SHISA9: variants seen among roughly 807,000 people sequenced by gnomAD.
SHISA9 encodes the protein protein shisa-9.
A neutral mutation model predicts 38.0 loss-of-function variants in SHISA9; 13 were observed. The observed-to-expected ratio is 0.34, with a 90% CI of 0.22 to 0.54. The LOEUF is 0.54. Among genes scored for constraint, SHISA9 ranks in the 20% least tolerant of loss-of-function variants. The pLI is 0.91. For missense variants in SHISA9, 538 were observed against 575.8 expected, an observed-to-expected ratio of 0.93 and a Z score of 0.67; for synonymous variants, 275 against 242.0, an observed-to-expected ratio of 1.14 and a Z score of -1.27.
intron 2 of SHISA9, among the ~76,000 whole-genome samples, chr16:13,104,757 C>T (rs906645058): frequency 1.3e-5 from 2 of 151,988 alleles, no homozygotes; most frequent in Non-Finnish European, 2.9e-5. Flanking sequence ...TGAAAATGTT[C>T]TAAAACTGGA....
chr16:13,297,085 A>T, the SHISA9 span, among the ~76,000 whole-genome samples: 1 of 152,064 alleles, frequency 6.6e-6, no homozygotes, highest in Non-Finnish European at 1.5e-5. Flanking sequence ...ATCCAGATTT[A>T]TATTTGACTC....
chr16:13,007,724 C>T (rs1346743333), intron 2 of SHISA9, among the ~76,000 whole-genome samples: 1 of 152,206 alleles, frequency 6.6e-6, no homozygotes, highest in Admixed American at 6.5e-5. Flanking sequence ...CTGCCTATGT[C>T]AGCCTGAAAC....
At chr16:13,298,150 T>C in the SHISA9 span, among the ~76,000 whole-genome samples, 1 of 152,214 alleles carries the variant, frequency 6.6e-6, no homozygotes, top group Non-Finnish European at 1.5e-5. Context: ...GGACACCGGC[T>C]GCTCTTCGTT....
the SHISA9 span, among the ~76,000 whole-genome samples, chr16:13,318,483 C>T: frequency 6.6e-6 from 1 of 152,168 alleles, no homozygotes; most frequent in African/African-American, 2.4e-5. Context: ...TGTGCCACCC[C>T]TCCCATCTAA....
chr16:13,114,900 C>CCA (rs2074015899), intron 2 of SHISA9, among the ~76,000 whole-genome samples: 3 of 149,672 alleles, frequency 2.0e-5, no homozygotes, highest in Non-Finnish European at 4.4e-5. Flanking sequence ...TTACATCTAA[C>CCA]TCCATCCATC....
chr16:13,242,586 A>G (rs1347057467), downstream of SHISA9, among the ~76,000 whole-genome samples: 1 of 152,164 alleles, frequency 6.6e-6, no homozygotes, highest in Non-Finnish European at 1.5e-5. Flanking sequence ...TGAAGAGAAG[A>G]CTGACTCCAG....
At chr16:13,472,961 G>A in the SHISA9 span, among the ~76,000 whole-genome samples, 1 of 152,200 alleles carries the variant, frequency 6.6e-6, no homozygotes, top group African/African-American at 2.4e-5. Context: ...ATCTAGGCCA[G>A]TGCTGGATCA....
chr16:12,996,891 C>G (rs2072463714), intron 2 of SHISA9, among the ~76,000 whole-genome samples: 1 of 152,266 alleles, frequency 6.6e-6, no homozygotes, highest in African/African-American at 2.4e-5. Flanking sequence ...ATATAAGTCA[C>G]CCAAGTCCTT....
chr16:13,554,638 T>A, the SHISA9 span, among the ~76,000 whole-genome samples: 3 of 151,878 alleles, frequency 2.0e-5, no homozygotes, highest in Non-Finnish European at 4.4e-5. Context: ...ATTATAGGCA[T>A]GTGCCACCAC....
chr16:13,334,301 C>T, the SHISA9 span, among the ~76,000 whole-genome samples: 1 of 152,202 alleles, frequency 6.6e-6, no homozygotes, highest in East Asian at 1.9e-4. Context: ...TGAGCCAGTG[C>T]TGGACACAAG....
chr16:13,313,559 T>TGA, the SHISA9 span, among the ~76,000 whole-genome samples: 2 of 152,102 alleles, frequency 1.3e-5, no homozygotes, highest in African/African-American at 4.8e-5. Context: ...CAAGGGGATA[T>TGA]GACTAGATGA....
At chr16:13,162,779 C>T (rs1038282263) in intron 2 of SHISA9, among the ~76,000 whole-genome samples, 1 of 151,788 alleles carries the variant, frequency 6.6e-6, no homozygotes, top group African/African-American at 2.4e-5. Context: ...GAAAAAGATT[C>T]TAATTGCTAG....
intron 2 of SHISA9, among the ~76,000 whole-genome samples, chr16:13,059,554 CA>C (rs2073350617): frequency 6.6e-6 from 1 of 152,008 alleles, no homozygotes; most frequent in African/African-American, 2.4e-5. Flanking sequence ...GGATAAACAG[CA>C]AATACATGCG....
At chr16:12,931,319 C>T (rs780948255) in intron 2 of SHISA9, among the ~76,000 whole-genome samples, 7 of 152,136 alleles carry the variant, frequency 4.6e-5, no homozygotes, top group Non-Finnish European at 8.8e-5. Flanking sequence ...GGACCATGCA[C>T]AGGTTTGTTA....
the SHISA9 span, among the ~76,000 whole-genome samples, chr16:13,466,584 T>TTA: frequency 5.3e-5 from 8 of 151,926 alleles, no homozygotes; most frequent in Admixed American, 1.3e-4. Flanking sequence ...GTTGTTTTTT[T>TTA]AAAAAAAGTA....
intron 2 of SHISA9, among the ~76,000 whole-genome samples, chr16:13,164,412 A>G (rs181526553): frequency 6.6e-6 from 1 of 152,122 alleles, no homozygotes; most frequent in Non-Finnish European, 1.5e-5. Flanking sequence ...TTTTTAACCT[A>G]TGTTTTTGAT....
chr16:13,041,044 T>G (rs2073126492), intron 2 of SHISA9, among the ~76,000 whole-genome samples: 1 of 152,130 alleles, frequency 6.6e-6, no homozygotes, highest in Non-Finnish European at 1.5e-5. Flanking sequence ...TAACAAGTAC[T>G]GTGTCGTTGG....
chr16:13,153,621 A>G (rs2050518294), intron 2 of SHISA9, among the ~76,000 whole-genome samples: 1 of 152,150 alleles, frequency 6.6e-6, no homozygotes, highest in Non-Finnish European at 1.5e-5. Context: ...GCATGCCCCA[A>G]AGTACCAATT....
chr16:13,459,449 A>T, the SHISA9 span, among the ~76,000 whole-genome samples: 1 of 152,240 alleles, frequency 6.6e-6, no homozygotes, highest in Admixed American at 6.5e-5. Flanking sequence ...AGCAAGATAC[A>T]GTACTGAATA....
Sources: allele counts gnomAD v4.1 joint callset (sites outside exome capture counted in the v4.1 genomes callset), GRCh38; gene constraint gnomAD v4.1.1; transcripts MANE v1.5; gene names NCBI Gene and HGNC (gene_info 2026-07-23, HGNC 2026-07-21).